EPHX2: variants seen among roughly 807,000 people sequenced by gnomAD.
The protein encoded by EPHX2 is epoxide hydrolase 2.
EPHX2 carries 74 observed loss-of-function variants against 78.7 expected under a neutral mutation model. That is an observed-to-expected ratio of 0.94 (90% CI 0.78 to 1.14). EPHX2 has a LOEUF of 1.14. Among genes scored for constraint, EPHX2 ranks in the 50% most tolerant of loss-of-function variants. The pLI, the probability that EPHX2 is intolerant of heterozygous loss-of-function variation, is 0.00. For synonymous variants in EPHX2, 251 were observed against 255.2 expected, an observed-to-expected ratio of 0.98 and a Z score of 0.16; for missense variants, 715 against 702.5, an observed-to-expected ratio of 1.02 and a Z score of -0.20.
chr8:27,543,326 C>T (rs1815469814), intron 16 of EPHX2, among the ~76,000 whole-genome samples: 1 of 152,140 alleles, frequency 6.6e-6, no homozygotes, highest in Non-Finnish European at 1.5e-5. Context: ...CATTTGCCAG[C>T]AATTGGAAGT....
chr8:27,514,750 G>T (rs1699165226), intron 6 of EPHX2, among the ~76,000 whole-genome samples: 1 of 152,052 alleles, frequency 6.6e-6, no homozygotes, highest in South Asian at 2.1e-4. Context: ...CCCGGATGTA[G>T]CACCTTTCCT....
chr8:27,492,613 C>A (rs1172233659), intron 1 of EPHX2, among the ~76,000 whole-genome samples: 1 of 152,172 alleles, frequency 6.6e-6, no homozygotes, highest in Non-Finnish European at 1.5e-5. Context: ...ACAAAGCTTC[C>A]ACAGCATGGA....
rs72477574 is a variant in EPHX2 at position 27,537,999 on chromosome 8, G to A, written c.1243-660G>A. ...ATTTCTTCTGCCAGGCATCCTGGTG[G>A]CATTACCAACCCAGGCTCACTTTGT... On this transcript the variant is annotated intron_variant, in intron 13 of 18. Transcript: ENST00000521400. Among the ~76,000 whole-genome samples, 668 of 152,270 alleles carry A rather than the reference G, an allele frequency of 4.4e-3. 7 individuals carry two copies. The highest frequency in any genetic ancestry group is 0.015 in the African/African-American group (635 of 41,550).
intron 1 of EPHX2, among the ~76,000 whole-genome samples, chr8:27,499,545 C>T (rs1279994212): frequency 6.6e-6 from 1 of 152,150 alleles, no homozygotes; most frequent in East Asian, 1.9e-4. Context: ...TTCTGTTACT[C>T]AGGGCTGGTA....
Position 27,508,257 on chromosome 8 carries a change from C to T in EPHX2, c.660+1263C>T, listed in dbSNP as rs150139235. 6.1e-4 allele frequency among the ~76,000 whole-genome samples: 93 copies of T among 152,274 alleles called. 1 individual carries two copies. Among genetic ancestry groups the T allele is most frequent in the African/African-American group, 2.2e-3 (90 of 41,546 alleles). ...GGTGGAGGTTGCAATGATTCAAGATCGTGCTACTGCATTTCAACCTGGACA... is the reference window on the plus strand; with the variant it reads ...GGTGGAGGTTGCAATGATTCAAGATTGTGCTACTGCATTTCAACCTGGACA... On this transcript the variant is annotated intron_variant, in intron 5 of 18. Coordinates refer to ENST00000521400, the MANE Select transcript of EPHX2 (RefSeq NM_001979.6).
downstream of EPHX2, among the ~76,000 whole-genome samples, chr8:27,545,933 C>G (rs1001042891): frequency 6.6e-5 from 10 of 152,092 alleles, no homozygotes; most frequent in Non-Finnish European, 1.5e-4. Context: ...TCTGATCCTT[C>G]CAGAGAGTCC....
chr8:27,516,351 T>A lies in EPHX2; in HGVS notation c.863T>A (p.Val288Asp). The change falls in exon 8 of 19, where the codon GTC becomes GAC. Residue 288 changes from valine (V) to aspartate (D), a missense_variant. Transcript: ENST00000521400. The stretch of plus-strand genomic sequence containing the variant: ...GCTCTGGCCCAGGCAGGTTACCGGG[T>A]CCTAGCTATGGACATGAAAGGCTAT... ...IPALAQAGYR[V>D]LAMDMKGYGE... is the part of the protein sequence containing the mutation. 2 of 1,613,982 alleles carry A rather than the reference T, an allele frequency of 1.2e-6. No individual in the cohort carries two copies. The highest frequency in any genetic ancestry group is 1.7e-6 in the Non-Finnish European group (2 of 1,179,986).
intron 8 of EPHX2, 23 bp downstream of exon 8, chr8:27,516,421 G>A (rs770187032): frequency 6.2e-7 from 1 of 1,609,888 alleles, no homozygotes; most frequent in Middle Eastern, 1.7e-4. Context: ...TCTTGCAGCT[G>A]TCTTATGCTG....
chr8:27,506,729 T>C (rs754809809), intron 4 of EPHX2, 143 bp from the exon 5 acceptor site: 12 of 1,189,452 alleles, frequency 1.0e-5, no homozygotes, highest in Non-Finnish European at 1.4e-5. Context: ...TTCATGCGTA[T>C]GTTGTGTAAT....
chr8:27,523,878 A>G (rs1308601403), intron 11 of EPHX2, among the ~76,000 whole-genome samples: 1 of 152,050 alleles, frequency 6.6e-6, no homozygotes, highest in Non-Finnish European at 1.5e-5. Context: ...AGTCAACAAA[A>G]GGAAAGATAG....
chr8:27,527,760 G>A (rs546268309), intron 12 of EPHX2, among the ~76,000 whole-genome samples: 36 of 152,296 alleles, frequency 2.4e-4, no homozygotes, highest in African/African-American at 7.5e-4. Context: ...TCCATGGTGT[G>A]TATAGACCAC....
intron 8 of EPHX2, 56 bp from the exon 9 acceptor site, chr8:27,517,982 G>A: frequency 7.1e-7 from 1 of 1,405,934 alleles, no homozygotes; most frequent in Admixed American, 2.1e-5. Context: ...CTTTTGATGT[G>A]TTGATATATT....
At chr8:27,518,188 A>C (rs1417009449) in intron 9 of EPHX2, 116 bp downstream of exon 9, 1 of 802,648 alleles carries the variant, frequency 1.2e-6, no homozygotes, top group East Asian at 2.6e-5. Flanking sequence ...CTCTGGGTAT[A>C]AATTCCTACT....
chr8:27,529,759 A>C (rs2132775130), intron 12 of EPHX2, among the ~76,000 whole-genome samples: 2 of 152,198 alleles, frequency 1.3e-5, no homozygotes, highest in South Asian at 2.1e-4. Context: ...CTAAAAATAC[A>C]AAAGAGCTGG....
At chr8:27,546,906 A>C (rs187398762), downstream of EPHX2, among the ~76,000 whole-genome samples, 9 of 152,332 alleles carry the variant, frequency 5.9e-5, no homozygotes, top group African/African-American at 2.2e-4. Context: ...TACAGAAAGC[A>C]TGGCTGGGGA....
chr8:27,506,797 C>T, intron 4 of EPHX2, 75 bp from the exon 5 acceptor site: 1 of 1,556,454 alleles, frequency 6.4e-7, no homozygotes, highest in Non-Finnish European at 8.7e-7. Context: ...TTTTAATCTC[C>T]TCATCATAAA....
intron 1 of EPHX2, among the ~76,000 whole-genome samples, chr8:27,499,959 T>C (rs1813704853): frequency 6.6e-6 from 1 of 152,210 alleles, no homozygotes; most frequent in African/African-American, 2.4e-5. Context: ...TTTAACTCAA[T>C]TACCTCTTAA....
At chr8:27,521,719 A>C (rs951156184) in intron 10 of EPHX2, among the ~76,000 whole-genome samples, 5 of 152,226 alleles carry the variant, frequency 3.3e-5, no homozygotes, top group African/African-American at 1.2e-4. Context: ...GTGGCCACCC[A>C]GTCCTGACTC....
At chr8:27,501,048 C>T (rs367964364) in intron 2 of EPHX2, 38 bp downstream of exon 2, 10 of 1,569,158 alleles carry the variant, frequency 6.4e-6, no homozygotes, top group African/African-American at 4.1e-5. Flanking sequence ...TTTGGATGAA[C>T]GTTCTCTGCC....
Sources: allele counts gnomAD v4.1 joint callset (sites outside exome capture counted in the v4.1 genomes callset), GRCh38; gene constraint gnomAD v4.1.1; transcripts MANE v1.5; gene names NCBI Gene and HGNC (gene_info 2026-07-23, HGNC 2026-07-21).